KCNH8: variants seen among roughly 807,000 people sequenced by gnomAD.
KCNH8 encodes the protein voltage-gated delayed rectifier potassium channel KCNH8.
KCNH8 carries 70 observed loss-of-function variants against 103.6 expected under a neutral mutation model. The observed-to-expected ratio is 0.68, with a 90% CI of 0.56 to 0.82. The LOEUF is 0.82. Among genes scored for constraint, KCNH8 ranks in the 40% least tolerant of loss-of-function variants. The pLI, the probability that KCNH8 is intolerant of heterozygous loss-of-function variation, is 0.00. For synonymous variants in KCNH8, 498 were observed against 489.4 expected, an observed-to-expected ratio of 1.02 and a Z score of -0.23; for missense variants, 1,217 against 1,329.9, an observed-to-expected ratio of 0.92 and a Z score of 1.32.
chr3:19,403,361 A>AATATATATATATAT lies in KCNH8; in HGVS notation c.1177+8076_1177+8089dup, dbSNP rs57523893. The stretch of plus-strand genomic sequence containing the variant: ...CCCCCCATGAAATACATATGTAAAG[A>AATATATATATATAT]ATATATATATATATATATATATATA... On this transcript the variant is annotated intron_variant, in intron 7 of 15. Coordinates refer to ENST00000328405, the MANE Select transcript of KCNH8 (RefSeq NM_144633.3). Among the ~76,000 whole-genome samples, 966 of 124,178 alleles carry AATATATATATATAT rather than the reference A, an allele frequency of 7.8e-3. 15 individuals are homozygous for AATATATATATATAT. Among genetic ancestry groups the AATATATATATATAT allele is most frequent in the Non-Finnish European group, 0.011 (628 of 56,212 alleles). 81.5% of individuals were successfully genotyped at this position (124,178 alleles called of 152,430 possible).
chr3:19,343,779 A>G (rs1433319326), intron 4 of KCNH8, among the ~76,000 whole-genome samples: 1 of 152,072 alleles, frequency 6.6e-6, no homozygotes, highest in Admixed American at 6.6e-5. Flanking sequence ...AGACATACGA[A>G]GTATTCATTT....
At chr3:19,367,271 T>C (rs2066024674) in intron 5 of KCNH8, among the ~76,000 whole-genome samples, 1 of 151,668 alleles carries the variant, frequency 6.6e-6, no homozygotes, top group Admixed American at 6.6e-5. Context: ...GCCTTCTTTA[T>C]TCCTTGTTAC....
chr3:19,409,548 A>G (rs1467289374), intron 7 of KCNH8, among the ~76,000 whole-genome samples: 1 of 152,148 alleles, frequency 6.6e-6, no homozygotes, highest in African/African-American at 2.4e-5. Flanking sequence ...GGTCTAAATG[A>G]TCCACTTAAA....
intron 5 of KCNH8, among the ~76,000 whole-genome samples, chr3:19,387,072 C>G (rs184078402): frequency 1.3e-5 from 2 of 152,114 alleles, no homozygotes; most frequent in Non-Finnish European, 2.9e-5. Flanking sequence ...TGAACACCAC[C>G]ACCACATCCT....
intron 11 of KCNH8, among the ~76,000 whole-genome samples, chr3:19,499,040 GA>G (rs1201750359): frequency 6.6e-6 from 1 of 152,032 alleles, no homozygotes; most frequent in East Asian, 1.9e-4. Context: ...TGAGAACTTT[GA>G]AAAAAATTTA....
intron 2 of KCNH8, among the ~76,000 whole-genome samples, chr3:19,276,733 T>G (rs1266350160): frequency 6.6e-6 from 1 of 152,180 alleles, no homozygotes; most frequent in Non-Finnish European, 1.5e-5. Flanking sequence ...GGAAAGCATA[T>G]GAGTTCTCTA....
chr3:19,450,932 G>T, intron 9 of KCNH8: 2 of 530,556 alleles, frequency 3.8e-6, no homozygotes, highest in Non-Finnish European at 3.4e-6. Context: ...TTTTTAATTT[G>T]TTCTGTTTCT....
At chr3:19,201,631 T>C (rs894484868) in intron 1 of KCNH8, among the ~76,000 whole-genome samples, 1 of 152,108 alleles carries the variant, frequency 6.6e-6, no homozygotes, top group South Asian at 2.1e-4. Context: ...GAATGCCCTA[T>C]TTAAATCTGA....
At chr3:19,434,573 A>C (rs939141003) in intron 7 of KCNH8, among the ~76,000 whole-genome samples, 1 of 152,108 alleles carries the variant, frequency 6.6e-6, no homozygotes, top group Non-Finnish European at 1.5e-5. Flanking sequence ...CTCCCAGCAA[A>C]CTGCTTGCCA....
At chr3:19,320,106 A>G (rs1174641553) in intron 3 of KCNH8, among the ~76,000 whole-genome samples, 1 of 152,090 alleles carries the variant, frequency 6.6e-6, no homozygotes, top group African/African-American at 2.4e-5. Context: ...ATCAGTAAAC[A>G]GCAACAGCTT....
intron 1 of KCNH8, among the ~76,000 whole-genome samples, chr3:19,195,931 A>G (rs543557319): frequency 8.6e-4 from 130 of 151,972 alleles, no homozygotes; most frequent in Admixed American, 2.0e-3. Flanking sequence ...TTCAGTTTGC[A>G]TCTTCTTCTA....
chr3:19,207,961 TA>T lies in KCNH8; in HGVS notation c.77-45684del, dbSNP rs558275362. ...TGTAATTGGTATGGATTTCAAGATT[TA>T]AAAAAAAATGTATTTCAGGGTGCTC... On this transcript the variant is annotated intron_variant, in intron 1 of 15. Transcript: ENST00000328405. Among the ~76,000 whole-genome samples, 223 of 151,362 alleles carry T rather than the reference TA, an allele frequency of 1.5e-3. 2 individuals are homozygous for T. Among genetic ancestry groups the T allele is most frequent in the African/African-American group, 4.9e-3 (201 of 41,344 alleles).
intron 7 of KCNH8, among the ~76,000 whole-genome samples, chr3:19,406,189 G>A (rs1170967037): frequency 6.6e-6 from 1 of 152,012 alleles, no homozygotes; most frequent in Admixed American, 6.6e-5. Flanking sequence ...AAACATTTTA[G>A]TCTTTATATT....
rs2125225168 is a variant in KCNH8 at position 19,211,212 on chromosome 3, G to A, written c.77-42442G>A. On this transcript the variant is annotated intron_variant, in intron 1 of 15. Transcript: ENST00000328405. ...GAGGCAGAAGAAAAACATATACAAT[G>A]ATAAAAATGCAAGAGCAATATGTGA... Among the ~76,000 whole-genome samples, 2 of 152,252 alleles carry A rather than the reference G, an allele frequency of 1.3e-5. 1 individual carries two copies. Among genetic ancestry groups the A allele is most frequent in the Middle Eastern group, 6.8e-3 (2 of 294 alleles).
rs1416797456 is a variant in KCNH8, at chr3:19,153,822, C to T, written c.76+5027C>T. ...AATTTTTTTGCATTTTTAGTAGAGACGGGGTTTCACCATCTTGGCCAGGCT... is the reference window on the plus strand; with the variant it reads ...AATTTTTTTGCATTTTTAGTAGAGATGGGGTTTCACCATCTTGGCCAGGCT... On this transcript the variant is annotated intron_variant, in intron 1 of 15. Coordinates refer to ENST00000328405, the MANE Select transcript of KCNH8 (RefSeq NM_144633.3). Among the ~76,000 whole-genome samples, 5 of 151,620 alleles carry T rather than the reference C, an allele frequency of 3.3e-5. No homozygotes were observed. In the East Asian group the frequency reaches 5.8e-4, roughly 18 times the overall value.
At chr3:19,294,176 G>T (rs1198557889) in intron 3 of KCNH8, among the ~76,000 whole-genome samples, 1 of 152,006 alleles carries the variant, frequency 6.6e-6, no homozygotes, top group Non-Finnish European at 1.5e-5. Flanking sequence ...CTCTTCTGTT[G>T]TTAAGTTTAC....
chr3:19,359,971 C>A (rs2065927297), intron 5 of KCNH8, among the ~76,000 whole-genome samples: 1 of 151,880 alleles, frequency 6.6e-6, no homozygotes, highest in African/African-American at 2.4e-5. Flanking sequence ...AGCAGTATAA[C>A]TGTAATGCCA....
intron 11 of KCNH8, among the ~76,000 whole-genome samples, chr3:19,473,284 A>G (rs555103282): frequency 1.3e-5 from 2 of 152,298 alleles, no homozygotes; most frequent in East Asian, 3.9e-4. Flanking sequence ...ACTTAATTCT[A>G]TTGCTTGTCA....
intron 2 of KCNH8, among the ~76,000 whole-genome samples, chr3:19,275,057 T>G (rs1439822937): frequency 6.6e-6 from 1 of 151,444 alleles, no homozygotes; most frequent in Non-Finnish European, 1.5e-5. Context: ...TGCTCCAGTC[T>G]TGAACTCTTT....
Sources: gnomAD v4.1 joint callset for allele counts (sites outside exome capture counted in the v4.1 genomes callset) on GRCh38, gnomAD v4.1.1 for gene constraint, MANE v1.5 for transcripts, NCBI Gene and HGNC (gene_info 2026-07-23, HGNC 2026-07-21) for gene names.